Variants in SHANK2 observed in about 807,000 individuals in gnomAD.
SHANK2 encodes SH3 and multiple ankyrin repeat domains 2, also known as SH3 and multiple ankyrin repeat domains protein 2.
In SHANK2, 43 loss-of-function variants were observed where a neutral mutation model predicts 133.7. That is an observed-to-expected ratio of 0.32 (90% CI 0.25 to 0.41). SHANK2 has a LOEUF of 0.41. SHANK2 is among the 10% of genes least tolerant of loss of function. The pLI, the probability that SHANK2 is intolerant of heterozygous loss-of-function variation, is 1.00. For missense variants in SHANK2, 1,994 were observed against 2,235.8 expected, an observed-to-expected ratio of 0.89 and a Z score of 2.18; for synonymous variants, 1,017 against 952.8, an observed-to-expected ratio of 1.07 and a Z score of -1.24.
At position 71,118,908 on chromosome 11, in the gene SHANK2, C is replaced by A; in HGVS notation, c.332G>T (p.Arg111Leu). The A allele has an allele frequency of 1.3e-6, 2 of 1,551,768 alleles. No individual in the cohort carries two copies. The highest frequency in any genetic ancestry group is 1.2e-5 in the South Asian group (1 of 84,066). The change falls in exon 4 of 26, where the codon CGT (arginine) becomes CTT (leucine). Residue 111 changes from arginine to leucine, a missense_variant. Coordinates refer to ENST00000601538, the MANE Select transcript of SHANK2 (RefSeq NM_012309.5). The stretch of plus-strand genomic sequence containing the variant: ...CTCCTCATCCAGGAACTTGCCGTCA[C>A]GCCCATTGCTGGCCGGCTGGAACAG... ...YGLFQPASNG[R>L]DGKFLDEERL...
At chr11:71,122,526 TTACGAGAAA>T (rs1555101683) in intron 3 of SHANK2, among the ~76,000 whole-genome samples, 2 of 152,042 alleles carry the variant, frequency 1.3e-5, no homozygotes, top group Admixed American at 1.3e-4. Flanking sequence ...AGGGAAAGCA[TTACGAGAAA>T]TACCTAATGT....
chr11:70,800,305 C>T (rs1009261485), intron 13 of SHANK2, among the ~76,000 whole-genome samples: 3 of 152,224 alleles, frequency 2.0e-5, no homozygotes, highest in East Asian at 3.8e-4. Context: ...GGATGACTGG[C>T]GTGAGCCACT....
chr11:71,066,042 AG>A (rs1398629809), intron 9 of SHANK2, among the ~76,000 whole-genome samples: 2 of 2,872 alleles, frequency 7.0e-4, no homozygotes, highest in Non-Finnish European at 6.5e-4. Context: ...AAGTTGGGGG[AG>A]GGTACAGAAC....
intron 14 of SHANK2, among the ~76,000 whole-genome samples, chr11:70,731,833 G>T (rs1196725207): frequency 6.6e-6 from 1 of 152,184 alleles, no homozygotes; most frequent in Admixed American, 6.5e-5. Context: ...CCTCCACGCT[G>T]CGAGGTGGAA....
chr11:70,526,965 GCCCC>G (rs1554972281), intron 17 of SHANK2, among the ~76,000 whole-genome samples: 1 of 4,540 alleles, frequency 2.2e-4, no homozygotes, highest in African/African-American at 2.4e-4. Context: ...TATGCCAACC[GCCCC>G]GCCCAGGTCA....
At chr11:71,136,006 C>T (rs1952432388) in intron 3 of SHANK2, among the ~76,000 whole-genome samples, 2 of 152,148 alleles carry the variant, frequency 1.3e-5, no homozygotes, top group East Asian at 3.9e-4. Context: ...TAGGGAGGGA[C>T]TGGCTATAGG....
intron 1 of SHANK2, among the ~76,000 whole-genome samples, chr11:71,227,146 A>T (rs782583418): frequency 4.6e-5 from 7 of 152,274 alleles, no homozygotes; most frequent in African/African-American, 7.2e-5. Flanking sequence ...AAAAATGTTT[A>T]AAAATGTTCA....
rs2058560927 is a variant in SHANK2, at chr11:70,468,571, A to C, written c.*4298T>G. The C allele has an allele frequency of 6.6e-6, 1 of 152,244 alleles. No individual in the cohort carries two copies. Among genetic ancestry groups the C allele is most frequent in the African/African-American group, 2.4e-5 (1 of 41,466 alleles). 9.4% of individuals were successfully genotyped at this position (152,244 alleles called of 1,614,324 possible). ...CCTCCAATTTCAAGTAAAAGAAAAA[A>C]TCTTCCAATAATTTTCCTAGTAAGG... On this transcript the variant is annotated 3_prime_UTR_variant, in exon 26 of 26. Coordinates refer to ENST00000601538, the MANE Select transcript of SHANK2 (RefSeq NM_012309.5).
At chr11:70,868,901 C>T (rs1032322738) in intron 11 of SHANK2, among the ~76,000 whole-genome samples, 2 of 152,198 alleles carry the variant, frequency 1.3e-5, no homozygotes, top group African/African-American at 2.4e-5. Flanking sequence ...TCCAGGTGGG[C>T]GCTGAGTGCT....
chr11:70,801,403 C>G (rs1429971192), intron 13 of SHANK2, among the ~76,000 whole-genome samples: 1 of 152,156 alleles, frequency 6.6e-6, no homozygotes, highest in East Asian at 1.9e-4. Flanking sequence ...GAGGGGGCCC[C>G]TTCTGGGTTT....
chr11:70,506,394 C>G (rs1207167203), intron 17 of SHANK2, among the ~76,000 whole-genome samples: 2 of 152,228 alleles, frequency 1.3e-5, no homozygotes, highest in Non-Finnish European at 2.9e-5. Context: ...ACCTGCTGCC[C>G]TCAGCAGACT....
chr11:70,723,103 T>A (rs1163320137), intron 14 of SHANK2, among the ~76,000 whole-genome samples: 2 of 152,174 alleles, frequency 1.3e-5, no homozygotes, highest in African/African-American at 2.4e-5. Context: ...GACAAACTCA[T>A]AAGGTGGCCC....
intron 13 of SHANK2, among the ~76,000 whole-genome samples, chr11:70,800,197 A>T (rs1377231354): frequency 6.6e-6 from 1 of 152,060 alleles, no homozygotes; most frequent in African/African-American, 2.4e-5. Flanking sequence ...TATTATTATA[A>T]TTACTTTTTT....
intron 15 of SHANK2, among the ~76,000 whole-genome samples, chr11:70,691,599 A>G (rs1365613162): frequency 1.3e-5 from 2 of 152,224 alleles, no homozygotes; most frequent in African/African-American, 4.8e-5. Flanking sequence ...AAAAATAAAA[A>G]TAAAAATATG....
chr11:70,805,410 T>G (rs1948136859), intron 13 of SHANK2, among the ~76,000 whole-genome samples: 1 of 152,210 alleles, frequency 6.6e-6, no homozygotes, highest in African/African-American at 2.4e-5. Flanking sequence ...ACTAGGAACT[T>G]CAGCTCTCAC....
intron 11 of SHANK2, among the ~76,000 whole-genome samples, chr11:70,890,918 C>G (rs1279318919): frequency 2.6e-4 from 39 of 151,266 alleles, no homozygotes; most frequent in African/African-American, 9.2e-4. Flanking sequence ...GAGCCAAGAT[C>G]GTGCCACTGC....
chr11:70,594,043 T>C (rs2060364590), intron 17 of SHANK2, among the ~76,000 whole-genome samples: 2 of 152,198 alleles, frequency 1.3e-5, no homozygotes, highest in Admixed American at 6.5e-5. Flanking sequence ...CCAGGGCCTC[T>C]TCCTAGGCAC....
chr11:71,234,607 C>T (rs994211299), intron 1 of SHANK2, among the ~76,000 whole-genome samples: 1 of 152,136 alleles, frequency 6.6e-6, no homozygotes, highest in Admixed American at 6.5e-5. Context: ...CTGCCCGAGC[C>T]TCGGTCCCCT....
intron 21 of SHANK2, among the ~76,000 whole-genome samples, chr11:70,493,414 G>A (rs2058925673): frequency 1.3e-5 from 2 of 149,146 alleles, no homozygotes; most frequent in African/African-American, 4.9e-5. Context: ...TTAGTTATAA[G>A]GGATCCTTAG....
Sources: allele counts gnomAD v4.1 joint callset (sites outside exome capture counted in the v4.1 genomes callset), GRCh38; gene constraint gnomAD v4.1.1; transcripts MANE v1.5; gene names NCBI Gene and HGNC (gene_info 2026-07-23, HGNC 2026-07-21).